Variants in DLG2 observed in about 807,000 individuals in gnomAD.
The protein encoded by DLG2 is discs large MAGUK scaffold protein 2, also known as disks large homolog 2.
DLG2 carries 45 observed loss-of-function variants against 132.5 expected under a neutral mutation model. The ratio of observed to expected loss-of-function variants is 0.34; its 90% CI spans 0.27 to 0.44. DLG2 has a LOEUF of 0.44. DLG2 is among the 20% of genes least tolerant of loss of function. DLG2 has a pLI of 1.00. For synonymous variants in DLG2, 424 were observed against 419.6 expected (o/e 1.01, Z -0.13); for missense variants, 1,045 against 1,196.9 (o/e 0.87, Z 1.87).
intron 18 of DLG2, among the ~76,000 whole-genome samples, chr11:83,727,651 T>C (rs1159431858): frequency 6.6e-6 from 1 of 152,190 alleles, no homozygotes; most frequent in Non-Finnish European, 1.5e-5. Context: ...AATTTTAATA[T>C]AGTCCATGTA....
intron 6 of DLG2, among the ~76,000 whole-genome samples, chr11:85,031,455 A>G (rs1311721674): frequency 6.6e-6 from 1 of 152,070 alleles, no homozygotes; most frequent in Admixed American, 6.6e-5. Flanking sequence ...TTCTCATACT[A>G]TACTTACTTT....
At chr11:85,396,937 G>T (rs2087443057) in intron 3 of DLG2, among the ~76,000 whole-genome samples, 1 of 152,110 alleles carries the variant, frequency 6.6e-6, no homozygotes. Flanking sequence ...ACACCACAAA[G>T]ATACTCCTCG....
chr11:83,459,060 T>A lies in DLG2; in HGVS notation c.*758A>T, dbSNP rs2089423347. ...GTCTTTACAAAATATTTCACAAAAC[T>A]TTTTTAACCTATAGAAATTTGTTTC... On this transcript the variant is annotated 3_prime_UTR_variant, in exon 28 of 28. Transcript: ENST00000376104. The A allele has an allele frequency of 6.6e-6, 1 of 152,596 alleles. No individual in the cohort carries two copies. The highest frequency in any genetic ancestry group is 1.5e-5 in the Non-Finnish European group (1 of 68,044). 9.5% of individuals were successfully genotyped at this position (152,596 alleles called of 1,614,324 possible).
At chr11:84,439,738 G>A (rs1187450356) in intron 7 of DLG2, among the ~76,000 whole-genome samples, 2 of 152,138 alleles carry the variant, frequency 1.3e-5, no homozygotes, top group South Asian at 2.1e-4. Flanking sequence ...CACACAAGTT[G>A]TTCCAAGCCA....
chr11:85,604,600 A>G (rs1393642788), intron 2 of DLG2, among the ~76,000 whole-genome samples: 1 of 152,136 alleles, frequency 6.6e-6, no homozygotes, highest in Non-Finnish European at 1.5e-5. Flanking sequence ...TTCTTCATTA[A>G]ACTCTACCTT....
At chr11:83,890,425 T>C (rs922693405) in intron 15 of DLG2, among the ~76,000 whole-genome samples, 1 of 152,178 alleles carries the variant, frequency 6.6e-6, no homozygotes, top group Non-Finnish European at 1.5e-5. Context: ...AGTCACTTCA[T>C]TTTCCTTGTT....
intron 19 of DLG2, among the ~76,000 whole-genome samples, chr11:83,616,319 A>G (rs1048668069): frequency 1.3e-5 from 2 of 152,138 alleles, no homozygotes; most frequent in Non-Finnish European, 2.9e-5. Context: ...AAATCTTCCA[A>G]TGTGGTGGTT....
chr11:84,428,382 G>A (rs1169758472), intron 7 of DLG2, among the ~76,000 whole-genome samples: 1 of 152,102 alleles, frequency 6.6e-6, no homozygotes, highest in African/African-American at 2.4e-5. Flanking sequence ...GGTGGGAGGT[G>A]GTATAACAAG....
At chr11:84,616,036 CA>C (rs1012988780) in intron 6 of DLG2, among the ~76,000 whole-genome samples, 7 of 151,712 alleles carry the variant, frequency 4.6e-5, no homozygotes, top group African/African-American at 1.7e-4. Context: ...TATCTTATTA[CA>C]AATGACAAAA....
At chr11:85,191,540 A>T (rs1055211046) in intron 4 of DLG2, among the ~76,000 whole-genome samples, 1 of 152,180 alleles carries the variant, frequency 6.6e-6, no homozygotes, top group Non-Finnish European at 1.5e-5. Flanking sequence ...AATTCATGCT[A>T]AGAAAATCCA....
Position 84,662,414 on chromosome 11 carries a change from A to C in DLG2, c.358-127683T>G, listed in dbSNP as rs189288972. Among the ~76,000 whole-genome samples, 584 of 151,532 alleles carry C rather than the reference A, an allele frequency of 3.9e-3. 3 individuals carry two copies. Among genetic ancestry groups the C allele is most frequent in the African/African-American group, 0.013 (542 of 41,400 alleles). The stretch of plus-strand genomic sequence containing the variant: ...GGTCTCGAACTCCCGACCTCAGGTG[A>C]TCGGCCCACCTCAGCCTCCTAAAGT... On this transcript the variant is annotated intron_variant, in intron 6 of 27. Transcript: ENST00000376104.
chr11:84,992,267 A>G (rs2057200995), intron 6 of DLG2, among the ~76,000 whole-genome samples: 1 of 152,210 alleles, frequency 6.6e-6, no homozygotes, highest in Non-Finnish European at 1.5e-5. Flanking sequence ...CTAGGTAAGT[A>G]ATATGCATTG....
chr11:84,626,847 A>ACATTTTATTTTATTTTATTTATT (rs373094154), intron 6 of DLG2, among the ~76,000 whole-genome samples: 1 of 144,012 alleles, frequency 6.9e-6, no homozygotes, highest in Non-Finnish European at 1.5e-5. Flanking sequence ...CATCAATTAC[A>ACATTTTATTTTATTTTATTTATT]TATTTTATTT....
chr11:85,048,876 A>T (rs766599681), intron 6 of DLG2, among the ~76,000 whole-genome samples: 9 of 152,052 alleles, frequency 5.9e-5, no homozygotes, highest in African/African-American at 9.6e-5. Context: ...GAACATGGAG[A>T]AATGAATAAT....
At chr11:85,507,226 G>A (rs138486059) in intron 3 of DLG2, among the ~76,000 whole-genome samples, 223 of 152,224 alleles carry the variant, frequency 1.5e-3, no homozygotes, top group African/African-American at 5.2e-3. Context: ...GGTTAATAAC[G>A]TTATGTGTGA....
chr11:85,384,178 C>A (rs1701332332), intron 3 of DLG2, among the ~76,000 whole-genome samples: 1 of 152,096 alleles, frequency 6.6e-6, no homozygotes, highest in Non-Finnish European at 1.5e-5. Flanking sequence ...CTAATCCTCA[C>A]AACAGCCCTG....
At chr11:84,288,237 GATT>G (rs990622608) in intron 7 of DLG2, among the ~76,000 whole-genome samples, 2 of 151,740 alleles carry the variant, frequency 1.3e-5, no homozygotes, top group South Asian at 2.1e-4. Context: ...AATCTCCTAG[GATT>G]ATTGTCAGGA....
intron 16 of DLG2, among the ~76,000 whole-genome samples, chr11:83,850,123 AGTGTGTGTGTGT>A (rs544279195): frequency 2.3e-4 from 9 of 39,116 alleles, no homozygotes; most frequent in Admixed American, 4.1e-4. Context: ...ATTTGGGGTA[AGTGTGTGTGTGT>A]GTGTGTGTGT....
chr11:84,187,554 C>T (rs1314184646), intron 8 of DLG2, among the ~76,000 whole-genome samples: 1 of 151,938 alleles, frequency 6.6e-6, no homozygotes, highest in African/African-American at 2.4e-5. Context: ...CATCTTAAAA[C>T]CAAGAGAGAA....
Sources: gnomAD v4.1 joint callset for allele counts (sites outside exome capture counted in the v4.1 genomes callset) on GRCh38, gnomAD v4.1.1 for gene constraint, MANE v1.5 for transcripts, NCBI Gene and HGNC (gene_info 2026-07-23, HGNC 2026-07-21) for gene names.